The following CDK8 variants were observed in gnomAD, a reference collection of about 807,000 sequenced individuals.
CDK8 encodes the protein cyclin dependent kinase 8.
A neutral mutation model predicts 71.5 loss-of-function variants in CDK8; 29 were observed. The observed-to-expected ratio is 0.41, with a 90% CI of 0.30 to 0.55. The LOEUF (loss-of-function observed/expected upper bound fraction) is 0.55. Ranked by LOEUF, CDK8 falls within the 20% of genes least tolerant of loss-of-function variation. The pLI, the probability that CDK8 is intolerant of heterozygous loss-of-function variation, is 0.37. For synonymous variants in CDK8, 161 were observed against 192.1 expected (o/e 0.84, Z 1.34); for missense variants, 288 against 572.6 (o/e 0.50, Z 5.07).
intron 1 of CDK8, among the ~76,000 whole-genome samples, chr13:26,262,152 A>G (rs1285046679): frequency 6.6e-6 from 1 of 152,234 alleles, no homozygotes; most frequent in Non-Finnish European, 1.5e-5. Flanking sequence ...CTAACTACGT[A>G]TCTTAACATA....
At chr13:26,278,926 G>C (rs1222860396) in intron 1 of CDK8, among the ~76,000 whole-genome samples, 1 of 152,032 alleles carries the variant, frequency 6.6e-6, no homozygotes, top group Non-Finnish European at 1.5e-5. Flanking sequence ...ATTGTATTAG[G>C]TATCATAAGT....
rs369329446 is a variant in CDK8, at chr13:26,297,255, A to G, written c.129-40312A>G. On this transcript the variant is annotated intron_variant, in intron 1 of 12. Transcript: ENST00000381527. ...AATTATGAATAAATTTTAATCAGGC[A>G]TTGGGCTCATACAAATGGAATGGAA... is the stretch of plus-strand genomic sequence containing the variant. Among the ~76,000 whole-genome samples the G allele has an allele frequency of 2.0e-4, 31 of 152,366 alleles. No individual in the cohort carries two copies. In the East Asian group the frequency reaches 4.8e-3, roughly 24 times the overall value.
intron 4 of CDK8, among the ~76,000 whole-genome samples, chr13:26,369,090 G>A (rs1449248510): frequency 6.6e-6 from 1 of 151,950 alleles, no homozygotes; most frequent in African/African-American, 2.4e-5. Flanking sequence ...GACGCTTTTA[G>A]TCTCTGGAAT....
At chr13:26,317,372 G>A (rs1022239735) in intron 1 of CDK8, among the ~76,000 whole-genome samples, 2 of 152,108 alleles carry the variant, frequency 1.3e-5, no homozygotes, top group Non-Finnish European at 2.9e-5. Flanking sequence ...AATGAAGTTG[G>A]AGACTTATAC....
intron 1 of CDK8, among the ~76,000 whole-genome samples, chr13:26,319,439 A>AC (rs1874661809): frequency 6.6e-6 from 1 of 151,558 alleles, no homozygotes; most frequent in Non-Finnish European, 1.5e-5. Context: ...ATTGCACTCC[A>AC]CCCTGGGCAA....
At chr13:26,396,919 C>T (rs1327169772) in intron 8 of CDK8, among the ~76,000 whole-genome samples, 1 of 151,980 alleles carries the variant, frequency 6.6e-6, no homozygotes, top group Non-Finnish European at 1.5e-5. Flanking sequence ...TGTTTAGTGT[C>T]TGTTATTCAT....
chr13:26,292,600 G>A (rs1873355775), intron 1 of CDK8, among the ~76,000 whole-genome samples: 1 of 152,130 alleles, frequency 6.6e-6, no homozygotes, highest in East Asian at 1.9e-4. Context: ...AAGTCACACA[G>A]GAAGCAGGAA....
intron 3 of CDK8, among the ~76,000 whole-genome samples, chr13:26,349,739 G>A (rs1324309779): frequency 6.6e-6 from 1 of 152,036 alleles, no homozygotes; most frequent in Non-Finnish European, 1.5e-5. Flanking sequence ...GAACAATCTT[G>A]TATTTGAAAA....
chr13:26,404,742 C>G lies in CDK8; in HGVS notation c.*661C>G. 2 of 224,346 alleles carry G rather than the reference C, an allele frequency of 8.9e-6. No homozygotes were observed. Among genetic ancestry groups the G allele is most frequent in the Non-Finnish European group, 1.8e-5 (2 of 112,710 alleles). The allele number at this position is 224,346 out of a possible 1,614,324, so 13.9% of individuals were successfully genotyped here. A position where few individuals can be genotyped will look rare whatever the true frequency, so the allele number is the denominator to read the frequency against. On this transcript the variant is annotated 3_prime_UTR_variant, in exon 13 of 13. Coordinates refer to ENST00000381527, the MANE Select transcript of CDK8 (RefSeq NM_001260.3). ...TTATAAGTTTGTTTTTATTTTCAAT[C>G]TATGACTTGACTGGTATTAAAGCTG...
At chr13:26,318,756 A>C (rs1293404377) in intron 1 of CDK8, among the ~76,000 whole-genome samples, 4 of 152,176 alleles carry the variant, frequency 2.6e-5, no homozygotes, top group African/African-American at 9.6e-5. Context: ...AAAATTGATC[A>C]CCCTTTCATC....
intron 5 of CDK8, 134 bp downstream of exon 5, chr13:26,383,005 G>A: frequency 2.0e-6 from 1 of 507,200 alleles, no homozygotes; most frequent in South Asian, 3.6e-5. Context: ...TTTCTAAAGA[G>A]TATGCATAAA....
chr13:26,394,343 A>G (rs1296350128), intron 7 of CDK8, among the ~76,000 whole-genome samples: 1 of 152,244 alleles, frequency 6.6e-6, no homozygotes, highest in Non-Finnish European at 1.5e-5. Context: ...CAGTAAATGC[A>G]GAATAACTAC....
intron 1 of CDK8, among the ~76,000 whole-genome samples, chr13:26,335,924 A>AACAACAACG (rs1872959259): frequency 1.8e-5 from 1 of 54,982 alleles, no homozygotes; most frequent in Non-Finnish European, 4.3e-5. Context: ...CTTGCTTAAC[A>AACAACAACG]ACAACAACAA....
intron 1 of CDK8, among the ~76,000 whole-genome samples, chr13:26,288,747 C>T (rs1004186512): frequency 2.0e-5 from 3 of 151,896 alleles, no homozygotes; most frequent in African/African-American, 7.3e-5. Flanking sequence ...TTTCATTTCT[C>T]CAAGCTTCTG....
rs1053515735 is a variant in CDK8 at position 26,404,249 on chromosome 13, A to C, written c.*168A>C. 1.0e-5 allele frequency: 7 copies of C among 675,304 alleles called. No individual in the cohort carries two copies. Among genetic ancestry groups the C allele is most frequent in the Non-Finnish European group, 1.7e-5 (7 of 420,206 alleles). 41.8% of individuals were successfully genotyped at this position (675,304 alleles called of 1,614,324 possible). ...TTCACAGATTGGGGTAGTGGCTTCC[A>C]AGTTGTACCTATTTTGGAGTTAGAC... On this transcript the variant is annotated 3_prime_UTR_variant, in exon 13 of 13. Coordinates refer to ENST00000381527, the MANE Select transcript of CDK8 (RefSeq NM_001260.3).
chr13:26,348,477 C>T (rs59563844), intron 2 of CDK8, among the ~76,000 whole-genome samples: 8,874 of 152,156 alleles, frequency 0.058, 870 homozygotes, highest in African/African-American at 0.2. Flanking sequence ...ATCTAGGTTG[C>T]ATGCTCCTTA....
intron 1 of CDK8, among the ~76,000 whole-genome samples, chr13:26,316,226 T>C (rs532866850): frequency 1.3e-5 from 2 of 152,204 alleles, no homozygotes; most frequent in African/African-American, 4.8e-5. Flanking sequence ...TGGGCATGGT[T>C]GCACATACCT....
chr13:26,401,749 A>T lies in CDK8; in HGVS notation c.1269+125A>T. ...ATACCCAGGGAAATACATTAACATG[A>T]AATGTTACTGGCATGGAAAAGTACT... On this transcript the variant is annotated intron_variant, in intron 12 of 12. Transcript: ENST00000381527. This position sits in a 1 kb window ranked among gnomAD's most constrained non-coding sequence, Gnocchi z 4.5. The T allele has an allele frequency of 9.1e-6, 9 of 988,036 alleles. No homozygotes were observed. Among genetic ancestry groups the T allele is most frequent in the Non-Finnish European group, 1.4e-5 (9 of 654,868 alleles). The allele number at this position is 988,036 out of a possible 1,614,324, so 61.2% of individuals were successfully genotyped here.
At chr13:26,300,636 C>T (rs1468462773) in intron 1 of CDK8, among the ~76,000 whole-genome samples, 2 of 152,056 alleles carry the variant, frequency 1.3e-5, no homozygotes, top group Non-Finnish European at 1.5e-5. Context: ...ATTTTTCAGA[C>T]CAACAAAAGG....
Sources: allele counts gnomAD v4.1 joint callset (sites outside exome capture counted in the v4.1 genomes callset), GRCh38; gene constraint gnomAD v4.1.1; non-coding constraint Gnocchi (gnomAD v3.1); transcripts MANE v1.5; gene names NCBI Gene and HGNC (gene_info 2026-07-23, HGNC 2026-07-21).